PCDHA7: variants seen among roughly 807,000 people sequenced by gnomAD.
PCDHA7 encodes the protein protocadherin alpha-7.
Under a neutral mutation model 57.2 loss-of-function variants are expected in PCDHA7, and 37 were observed. That is an observed-to-expected ratio of 0.65 (90% CI 0.50 to 0.85). The LOEUF is 0.85. Ranked by LOEUF, PCDHA7 falls within the 40% of genes least tolerant of loss-of-function variation. PCDHA7 has a pLI of 0.00. For synonymous variants in PCDHA7, 553 were observed against 558.8 expected (o/e 0.99, Z 0.15); for missense variants, 1,188 against 1,241.8 (o/e 0.96, Z 0.65).
At chr5:140,904,236 T>G (rs1326424532) in intron 1 of PCDHA7, among the ~76,000 whole-genome samples, 2 of 151,966 alleles carry the variant, frequency 1.3e-5, no homozygotes, top group Non-Finnish European at 2.9e-5. Flanking sequence ...ACTTATGCCT[T>G]TGCATCCTCA....
chr5:140,956,540 G>C (rs1356910892), intron 1 of PCDHA7, among the ~76,000 whole-genome samples: 1 of 152,186 alleles, frequency 6.6e-6, no homozygotes, highest in Non-Finnish European at 1.5e-5. Context: ...TGTGCTGCTG[G>C]ATTTGGTTTG....
intron 1 of PCDHA7, chr5:140,927,374 ACAGCCTAAGCCCCAGT>A: frequency 6.2e-7 from 1 of 1,614,100 alleles, no homozygotes; most frequent in Non-Finnish European, 8.5e-7. Flanking sequence ...ATACTAAGCT[ACAGCCTAAGCCCCAGT>A]CAGCACTTTC....
At chr5:140,935,144 A>G (rs1289868558) in intron 1 of PCDHA7, among the ~76,000 whole-genome samples, 1 of 152,184 alleles carries the variant, frequency 6.6e-6, no homozygotes, top group Admixed American at 6.5e-5. Context: ...TGATACTTAG[A>G]GATATAATCT....
chr5:140,845,330 G>T (rs782598822), intron 1 of PCDHA7, among the ~76,000 whole-genome samples: 1 of 149,276 alleles, frequency 6.7e-6, no homozygotes, highest in African/African-American at 2.5e-5. Context: ...TTTAATTACT[G>T]AATTCTCCTA....
chr5:140,893,110 G>A (rs2063824937), intron 1 of PCDHA7, among the ~76,000 whole-genome samples: 1 of 152,124 alleles, frequency 6.6e-6, no homozygotes, highest in South Asian at 2.1e-4. Context: ...ATATTCCGTT[G>A]TGCATATACA....
At chr5:140,983,379 C>T (rs1169260784) in intron 3 of PCDHA7, among the ~76,000 whole-genome samples, 1 of 152,162 alleles carries the variant, frequency 6.6e-6, no homozygotes, top group Non-Finnish European at 1.5e-5. Context: ...AGGCCCATCG[C>T]TGTGGCAGTT....
chr5:140,927,758 A>G (rs781942462), intron 1 of PCDHA7: 1 of 1,614,170 alleles, frequency 6.2e-7, no homozygotes, highest in Non-Finnish European at 8.5e-7. Flanking sequence ...GTGCACCCTA[A>G]AAGTGGGGAG....
intron 1 of PCDHA7, chr5:140,856,523 G>A (rs1554148798): frequency 6.3e-7 from 1 of 1,598,526 alleles, no homozygotes; most frequent in Admixed American, 1.7e-5. Context: ...CGCATCTGAT[G>A]CGGATGTTGG....
At chr5:140,935,291 C>T (rs1221872941) in intron 1 of PCDHA7, among the ~76,000 whole-genome samples, 4 of 152,100 alleles carry the variant, frequency 2.6e-5, no homozygotes, top group East Asian at 1.9e-4. Context: ...TTCAGCACTC[C>T]GAGGTTTTTA....
At chr5:140,962,665 C>G (rs1457197885) in intron 1 of PCDHA7, among the ~76,000 whole-genome samples, 1 of 152,146 alleles carries the variant, frequency 6.6e-6, no homozygotes, top group African/African-American at 2.4e-5. Context: ...TTTTCATCTT[C>G]CCATCCACTG....
At chr5:140,933,592 G>T (rs1034374854) in intron 1 of PCDHA7, among the ~76,000 whole-genome samples, 2 of 151,986 alleles carry the variant, frequency 1.3e-5, no homozygotes, top group Non-Finnish European at 2.9e-5. Context: ...TTTTTAGGTT[G>T]ATTTGTCTTT....
At chr5:140,883,830 A>G in intron 1 of PCDHA7, 5 of 1,612,532 alleles carry the variant, frequency 3.1e-6, no homozygotes, top group Non-Finnish European at 4.2e-6. Context: ...TACGCGCTGC[A>G]GCCGTTGGAC....
chr5:140,856,572 A>C (rs782165615), intron 1 of PCDHA7: 1 of 1,597,762 alleles, frequency 6.3e-7, no homozygotes, highest in East Asian at 2.2e-5. Flanking sequence ...AGTCCAAATG[A>C]GTATTTTGTT....
chr5:140,975,868 C>T (rs553871611), intron 1 of PCDHA7, among the ~76,000 whole-genome samples: 2 of 152,222 alleles, frequency 1.3e-5, no homozygotes, highest in East Asian at 3.9e-4. Flanking sequence ...ATATGGACTA[C>T]CTAATTGATT....
chr5:140,884,327 G>A (rs1400364790), intron 1 of PCDHA7: 1 of 1,613,894 alleles, frequency 6.2e-7, no homozygotes, highest in Non-Finnish European at 8.5e-7. Context: ...GGCAGGCGCT[G>A]TGGGTCCAGA....
chr5:140,929,282 A>T, intron 1 of PCDHA7: 1 of 1,601,564 alleles, frequency 6.2e-7, no homozygotes, highest in South Asian at 1.1e-5. Flanking sequence ...TCCTGTATTC[A>T]GATTCGGAAT....
At chr5:140,990,670 A>T (rs1172208113) in intron 3 of PCDHA7, among the ~76,000 whole-genome samples, 1 of 152,192 alleles carries the variant, frequency 6.6e-6, no homozygotes, top group Non-Finnish European at 1.5e-5. Flanking sequence ...CATTAGATGC[A>T]CACCAAGCTG....
intron 2 of PCDHA7, among the ~76,000 whole-genome samples, chr5:140,981,835 T>C (rs991736759): frequency 6.6e-6 from 1 of 152,162 alleles, no homozygotes; most frequent in Non-Finnish European, 1.5e-5. Context: ...TCTAAAGGTC[T>C]CCCAGTTTGT....
chr5:140,874,505 T>C (rs550206385), intron 1 of PCDHA7, among the ~76,000 whole-genome samples: 1 of 152,366 alleles, frequency 6.6e-6, no homozygotes, highest in African/African-American at 2.4e-5. Context: ...GTTCACATTC[T>C]CTTGACTTTA....
Sources: gnomAD v4.1 joint callset for allele counts (sites outside exome capture counted in the v4.1 genomes callset) on GRCh38, gnomAD v4.1.1 for gene constraint, MANE v1.5 for transcripts, NCBI Gene and HGNC (gene_info 2026-07-23, HGNC 2026-07-21) for gene names.